FOXP1: variants seen among roughly 807,000 people sequenced by gnomAD.
The protein encoded by FOXP1 is forkhead box protein P1.
FOXP1 carries 15 observed loss-of-function variants against 98.2 expected under a neutral mutation model. The observed-to-expected ratio is 0.15, with a 90% CI of 0.10 to 0.24. FOXP1 has a LOEUF of 0.24. Among genes scored for constraint, FOXP1 ranks in the 10% least tolerant of loss-of-function variants. The probability of loss-of-function intolerance (pLI) is 1.00; values close to 1 mark genes in which losing one functional copy is unlikely to be tolerated. For missense variants in FOXP1, 633 were observed against 848.5 expected (o/e 0.75, Z 3.15); for synonymous variants, 371 against 314.5 (o/e 1.18, Z -1.90).
chr3:71,536,657 A>T (rs1413749328), intron 2 of FOXP1, among the ~76,000 whole-genome samples: 1 of 150,860 alleles, frequency 6.6e-6, no homozygotes, highest in Non-Finnish European at 1.5e-5. Flanking sequence ...AAATCCTCGC[A>T]TATAAAGGGC....
chr3:71,134,208 C>T lies in FOXP1; in HGVS notation c.181-21571G>A, dbSNP rs146641123. Among the ~76,000 whole-genome samples the T allele has an allele frequency of 8.0e-3, 1,221 of 152,252 alleles. 14 individuals carry two copies. The highest frequency in any genetic ancestry group is 0.027 in the African/African-American group (1,117 of 41,532). On this transcript the variant is annotated intron_variant, in intron 6 of 20. Coordinates refer to ENST00000649528, the MANE Select transcript of FOXP1 (RefSeq NM_001349338.3). Reference sequence around the variant, plus strand: ...TTCTACCTAGACAGACTAAGGTGGCCGTTAGAGCAGCCAAAATAATTATTC... The same window carrying T: ...TTCTACCTAGACAGACTAAGGTGGCTGTTAGAGCAGCCAAAATAATTATTC...
chr3:71,542,406 G>A (rs187244211), intron 2 of FOXP1, among the ~76,000 whole-genome samples: 2 of 152,362 alleles, frequency 1.3e-5, no homozygotes, highest in South Asian at 2.1e-4. Flanking sequence ...TTTCACAAGA[G>A]GGGTGGGGGA....
At chr3:71,137,976 C>T (rs1417434706) in intron 6 of FOXP1, among the ~76,000 whole-genome samples, 5 of 152,002 alleles carry the variant, frequency 3.3e-5, no homozygotes, top group African/African-American at 1.2e-4. Context: ...TGAGAACGGC[C>T]TTACAAGGAC....
intron 7 of FOXP1, among the ~76,000 whole-genome samples, chr3:71,093,451 T>A (rs1267455846): frequency 7.0e-6 from 1 of 142,532 alleles, no homozygotes; most frequent in Non-Finnish European, 1.6e-5. Flanking sequence ...ATCCAACTCT[T>A]TGACTGTACT....
intron 6 of FOXP1, among the ~76,000 whole-genome samples, chr3:71,158,659 C>T (rs2060973330): frequency 6.9e-6 from 1 of 144,776 alleles, no homozygotes; most frequent in Admixed American, 7.1e-5. Flanking sequence ...TCCAAATTAA[C>T]ATACAGATAA....
chr3:71,319,048 C>T (rs1417098458), intron 4 of FOXP1, among the ~76,000 whole-genome samples: 3 of 152,184 alleles, frequency 2.0e-5, no homozygotes, highest in African/African-American at 7.2e-5. Flanking sequence ...ACTCTGTTCC[C>T]TATAGTTGTA....
chr3:71,103,917 T>C (rs897210075), intron 7 of FOXP1, among the ~76,000 whole-genome samples: 32 of 151,924 alleles, frequency 2.1e-4, no homozygotes, highest in African/African-American at 7.5e-4. Context: ...CAGACGAATA[T>C]TGTGTACAAA....
chr3:71,020,438 G>C (rs1022892849), intron 11 of FOXP1, among the ~76,000 whole-genome samples: 2 of 152,070 alleles, frequency 1.3e-5, no homozygotes, highest in Non-Finnish European at 2.9e-5. Context: ...AATGGTTATG[G>C]TTCCTTATGA....
chr3:71,116,275 T>C (rs1376672735), intron 6 of FOXP1, among the ~76,000 whole-genome samples: 1 of 152,034 alleles, frequency 6.6e-6, no homozygotes, highest in Non-Finnish European at 1.5e-5. Context: ...AATCATACTG[T>C]AAACCCCAGC....
At chr3:71,385,191 G>T (rs1372627635) in intron 3 of FOXP1, among the ~76,000 whole-genome samples, 2 of 151,988 alleles carry the variant, frequency 1.3e-5, no homozygotes, top group East Asian at 3.9e-4. Context: ...GAATGGATTT[G>T]CAAAGGAGAG....
chr3:71,129,567 T>C (rs1426624960), intron 6 of FOXP1, among the ~76,000 whole-genome samples: 3 of 152,290 alleles, frequency 2.0e-5, no homozygotes, highest in Admixed American at 2.0e-4. Flanking sequence ...TTCCTGTCTA[T>C]TCCCTGACCA....
intron 3 of FOXP1, among the ~76,000 whole-genome samples, chr3:71,460,723 G>A (rs780126447): frequency 2.6e-5 from 4 of 152,186 alleles, no homozygotes; most frequent in Non-Finnish European, 5.9e-5. Context: ...ACAAGCGTGA[G>A]CTACCGCGCC....
chr3:71,502,584 G>A (rs1264112741), intron 2 of FOXP1, among the ~76,000 whole-genome samples: 1 of 152,182 alleles, frequency 6.6e-6, no homozygotes, highest in African/African-American at 2.4e-5. Context: ...CTAGAGAGGT[G>A]ATCCCTATGT....
chr3:71,222,143 T>C (rs1306791393), intron 5 of FOXP1, among the ~76,000 whole-genome samples: 2 of 151,812 alleles, frequency 1.3e-5, no homozygotes, highest in Non-Finnish European at 2.9e-5. Flanking sequence ...CAGAGCGAGA[T>C]TCCGTATCAA....
intron 5 of FOXP1, among the ~76,000 whole-genome samples, chr3:71,268,276 T>C (rs2069939155): frequency 6.6e-6 from 1 of 151,562 alleles, no homozygotes; most frequent in African/African-American, 2.4e-5. Context: ...AGCTTCTAAA[T>C]TGCCATCAGC....
chr3:71,050,470 A>C (rs2049725297), intron 9 of FOXP1, among the ~76,000 whole-genome samples: 1 of 152,240 alleles, frequency 6.6e-6, no homozygotes. Flanking sequence ...GATCTTTAAA[A>C]AACTAAATTT....
At chr3:71,460,486 G>T (rs1164103923) in intron 3 of FOXP1, among the ~76,000 whole-genome samples, 1 of 151,726 alleles carries the variant, frequency 6.6e-6, no homozygotes, top group Non-Finnish European at 1.5e-5. Flanking sequence ...GCCCAGGCTG[G>T]AGTGCAGTGG....
chr3:71,251,612 G>A (rs181391277), intron 5 of FOXP1, among the ~76,000 whole-genome samples: 4 of 152,310 alleles, frequency 2.6e-5, no homozygotes, highest in African/African-American at 9.6e-5. Flanking sequence ...CTATGGCGCT[G>A]AGCAGGAAGC....
At chr3:71,522,729 A>G (rs1008345578) in intron 2 of FOXP1, among the ~76,000 whole-genome samples, 19 of 151,910 alleles carry the variant, frequency 1.3e-4, no homozygotes, top group Admixed American at 7.2e-4. Context: ...AAGAAATATG[A>G]CCCATGACTT....
Sources: allele counts gnomAD v4.1 joint callset (sites outside exome capture counted in the v4.1 genomes callset), GRCh38; gene constraint gnomAD v4.1.1; transcripts MANE v1.5; gene names NCBI Gene and HGNC (gene_info 2026-07-23, HGNC 2026-07-21).